GRIN2B: variants seen among roughly 807,000 people sequenced by gnomAD.
The protein encoded by GRIN2B is glutamate receptor ionotropic, NMDA 2B.
A neutral mutation model predicts 114.5 loss-of-function variants in GRIN2B; 5 were observed. The ratio of observed to expected loss-of-function variants is 0.04; its 90% CI spans 0.02 to 0.09. GRIN2B has a LOEUF of 0.09. Among genes scored for constraint, GRIN2B ranks in the 10% least tolerant of loss-of-function variants. The pLI, the probability that GRIN2B is intolerant of heterozygous loss-of-function variation, is 1.00. For missense variants in GRIN2B, 1,108 were observed against 1,943.5 expected (o/e 0.57, Z 8.08); for synonymous variants, 787 against 745.1 (o/e 1.06, Z -0.92).
chr12:13,865,504 C>T lies in GRIN2B; in HGVS notation c.411+294G>A, dbSNP rs1167881410. ...AAAATTAGCTGGGTGTGGTGGCAGG[C>T]GCCTGTAATCCCAGCTACTCGGGAG... is the stretch of plus-strand genomic sequence containing the variant. On this transcript the variant is annotated intron_variant, in intron 3 of 13. Transcript: ENST00000609686. Among the ~76,000 whole-genome samples, 7 of 151,944 alleles carry T rather than the reference C, an allele frequency of 4.6e-5. No homozygotes were observed. In the East Asian group the frequency reaches 9.7e-4, roughly 21 times the overall value.
At chr12:13,934,485 A>G (rs1436873799) in intron 2 of GRIN2B, among the ~76,000 whole-genome samples, 1 of 152,218 alleles carries the variant, frequency 6.6e-6, no homozygotes, top group Non-Finnish European at 1.5e-5. Context: ...TAAGTAACTT[A>G]CACAAGACTG....
chr12:13,841,509 A>G (rs1377001456), intron 3 of GRIN2B, among the ~76,000 whole-genome samples: 1 of 152,180 alleles, frequency 6.6e-6, no homozygotes, highest in Non-Finnish European at 1.5e-5. Flanking sequence ...ATAGGACCTC[A>G]GTGCCACACT....
At chr12:13,620,190 A>G (rs1327878380) in intron 5 of GRIN2B, among the ~76,000 whole-genome samples, 1 of 152,216 alleles carries the variant, frequency 6.6e-6, no homozygotes, top group Non-Finnish European at 1.5e-5. Context: ...TGCCAAGGAA[A>G]GGGCAAGAGT....
intron 2 of GRIN2B, among the ~76,000 whole-genome samples, chr12:13,876,277 T>C (rs1467172282): frequency 6.6e-6 from 1 of 152,182 alleles, no homozygotes; most frequent in Non-Finnish European, 1.5e-5. Context: ...GGAATTATTA[T>C]CCTCACCTTA....
At chr12:13,836,249 A>G (rs1013703624) in intron 3 of GRIN2B, among the ~76,000 whole-genome samples, 6 of 152,218 alleles carry the variant, frequency 3.9e-5, no homozygotes, top group African/African-American at 1.2e-4. Context: ...CTTGACGGGC[A>G]TGTGATCTTG....
At chr12:13,711,032 A>G (rs1408082899) in intron 4 of GRIN2B, among the ~76,000 whole-genome samples, 2 of 152,150 alleles carry the variant, frequency 1.3e-5, no homozygotes, top group African/African-American at 4.8e-5. Flanking sequence ...AAACAGAGAT[A>G]TAGACCAATG....
chr12:13,838,772 G>A (rs961492415), intron 3 of GRIN2B, among the ~76,000 whole-genome samples: 2 of 152,226 alleles, frequency 1.3e-5, no homozygotes, highest in African/African-American at 4.8e-5. Context: ...GGAGAAGCCA[G>A]ATGTCTTGCC....
chr12:13,792,719 C>T (rs1210577440), intron 3 of GRIN2B, among the ~76,000 whole-genome samples: 1 of 152,070 alleles, frequency 6.6e-6, no homozygotes, highest in Non-Finnish European at 1.5e-5. Context: ...TGCTGTGGCA[C>T]CTGACAGAAG....
At chr12:13,810,209 G>A (rs911897854) in intron 3 of GRIN2B, among the ~76,000 whole-genome samples, 7 of 146,908 alleles carry the variant, frequency 4.8e-5, no homozygotes, top group African/African-American at 1.8e-4. Flanking sequence ...ACTTAATTCT[G>A]TCTCAAATCA....
chr12:13,853,590 G>C (rs1171780237), intron 3 of GRIN2B, among the ~76,000 whole-genome samples: 15 of 152,174 alleles, frequency 9.9e-5, no homozygotes, highest in Non-Finnish European at 1.5e-5. Context: ...CTAACCTGAA[G>C]CAGGCCTTTT....
chr12:13,570,484 A>T (rs1363971553), intron 11 of GRIN2B, among the ~76,000 whole-genome samples: 4 of 152,130 alleles, frequency 2.6e-5, no homozygotes, highest in African/African-American at 4.8e-5. Flanking sequence ...TGTGGTCAGG[A>T]AGGTTCCAGT....
At chr12:13,930,839 A>C (rs1867015366) in intron 2 of GRIN2B, among the ~76,000 whole-genome samples, 1 of 152,028 alleles carries the variant, frequency 6.6e-6, no homozygotes, top group South Asian at 2.1e-4. Flanking sequence ...CCCCCCAACA[A>C]AAAAAAACCC....
intron 13 of GRIN2B, 23 bp downstream of exon 13, chr12:13,567,002 G>C: frequency 2.0e-6 from 3 of 1,503,042 alleles, no homozygotes; most frequent in Non-Finnish European, 2.8e-6. Flanking sequence ...ACAAGCTTTA[G>C]GCATTTAAAT....
intron 10 of GRIN2B, among the ~76,000 whole-genome samples, chr12:13,573,666 A>G (rs536727039): frequency 1.3e-5 from 2 of 152,350 alleles, no homozygotes; most frequent in South Asian, 4.1e-4. Context: ...GGTTTCAAGT[A>G]ATAGTACCAT....
intron 3 of GRIN2B, among the ~76,000 whole-genome samples, chr12:13,835,125 T>A (rs1202267229): frequency 6.6e-6 from 1 of 152,244 alleles, no homozygotes; most frequent in East Asian, 1.9e-4. Flanking sequence ...GTAATTCAAC[T>A]GGCTCAAAGA....
At chr12:13,803,368 C>T (rs1864549510) in intron 3 of GRIN2B, among the ~76,000 whole-genome samples, 2 of 152,100 alleles carry the variant, frequency 1.3e-5, no homozygotes, top group Admixed American at 1.3e-4. Flanking sequence ...GTGCCTGTCA[C>T]ATGCCAGGTA....
intron 4 of GRIN2B, among the ~76,000 whole-genome samples, chr12:13,744,832 G>A (rs545489112): frequency 1.4e-4 from 21 of 152,246 alleles, no homozygotes; most frequent in Non-Finnish European, 2.6e-4. Flanking sequence ...GGAAGAGGAC[G>A]CGCCACCAAA....
chr12:13,645,660 C>A (rs1001695674), intron 5 of GRIN2B, among the ~76,000 whole-genome samples: 1 of 151,540 alleles, frequency 6.6e-6, no homozygotes, highest in African/African-American at 2.4e-5. Flanking sequence ...ATTTCTTTCT[C>A]CTCCTCCTCT....
intron 2 of GRIN2B, among the ~76,000 whole-genome samples, chr12:13,934,042 A>G (rs1208895982): frequency 6.6e-6 from 1 of 152,252 alleles, no homozygotes; most frequent in Non-Finnish European, 1.5e-5. Flanking sequence ...ACATAGAGGC[A>G]TGAATTCTGC....
Sources: allele counts gnomAD v4.1 joint callset (sites outside exome capture counted in the v4.1 genomes callset), GRCh38; gene constraint gnomAD v4.1.1; transcripts MANE v1.5; gene names NCBI Gene and HGNC (gene_info 2026-07-23, HGNC 2026-07-21).